The following ST8SIA2 variants were observed in gnomAD, a reference collection of about 807,000 sequenced individuals.
ST8SIA2 encodes alpha-2,8-sialyltransferase 8B.
ST8SIA2 carries 22 observed loss-of-function variants against 37.6 expected under a neutral mutation model. That is an observed-to-expected ratio of 0.58 (90% CI 0.42 to 0.83). ST8SIA2 has a LOEUF of 0.83. Ranked by LOEUF, ST8SIA2 falls within the 40% of genes least tolerant of loss-of-function variation. The pLI is 0.00. For synonymous variants in ST8SIA2, 205 were observed against 201.2 expected, an observed-to-expected ratio of 1.02 and a Z score of -0.16; for missense variants, 382 against 484.7, an observed-to-expected ratio of 0.79 and a Z score of 1.99.
intron 2 of ST8SIA2, among the ~76,000 whole-genome samples, chr15:92,432,044 G>A (rs919877691): frequency 6.6e-6 from 1 of 152,136 alleles, no homozygotes; most frequent in Non-Finnish European, 1.5e-5. Flanking sequence ...GCATCCACGG[G>A]AGAATTCCTC....
intron 1 of ST8SIA2, among the ~76,000 whole-genome samples, chr15:92,394,510 G>C (rs534943716): frequency 1.3e-5 from 2 of 152,310 alleles, no homozygotes; most frequent in African/African-American, 4.8e-5. Context: ...TCGGGCGGGC[G>C]GAGGGGCCGA....
chr15:92,394,279 A>G, intron 1 of ST8SIA2, 117 bp downstream of exon 1: 6 of 943,074 alleles, frequency 6.4e-6, no homozygotes, highest in African/African-American at 5.0e-5. Flanking sequence ...GCTCCGCTGG[A>G]GAGATGGGGA....
At chr15:92,430,172 C>G in intron 2 of ST8SIA2, 61 bp downstream of exon 2, 1 of 1,502,154 alleles carries the variant, frequency 6.7e-7, no homozygotes, top group Non-Finnish European at 9.2e-7. Context: ...TAATCTGCTT[C>G]TCTTCTTTGC....
intron 4 of ST8SIA2, among the ~76,000 whole-genome samples, chr15:92,442,801 G>T (rs977805398): frequency 6.6e-6 from 1 of 152,196 alleles, no homozygotes; most frequent in Non-Finnish European, 1.5e-5. Context: ...TAGGGGCAGG[G>T]ATGGGAAGAC....
intron 1 of ST8SIA2, among the ~76,000 whole-genome samples, chr15:92,396,021 A>G (rs181257796): frequency 6.6e-6 from 1 of 152,312 alleles, no homozygotes; most frequent in Admixed American, 6.5e-5. Context: ...CGCTCCCCAC[A>G]TCAGGTTGTT....
chr15:92,448,571 C>T lies in ST8SIA2; in HGVS notation c.842+3642C>T, dbSNP rs557115226. On this transcript the variant is annotated intron_variant, in intron 5 of 5. Transcript: ENST00000268164. ...CTCCAAAGGGTCCAGACCCCAGCTC[C>T]GTGACTGGCTTGGTTGTATCACCTG... is the stretch of plus-strand genomic sequence containing the variant. Among the ~76,000 whole-genome samples, 7 of 152,334 alleles carry T rather than the reference C, an allele frequency of 4.6e-5. No homozygotes were observed. The South Asian group carries it at 1.2e-3, about 27-fold the overall frequency.
intron 5 of ST8SIA2, 113 bp from the exon 6 acceptor site, chr15:92,463,987 C>T (rs1304368989): frequency 7.0e-7 from 1 of 1,431,832 alleles, no homozygotes; most frequent in Non-Finnish European, 9.3e-7. Flanking sequence ...TTGATCGGTC[C>T]CTGGAGTGGC....
chr15:92,402,501 G>A (rs547033760), intron 1 of ST8SIA2, among the ~76,000 whole-genome samples: 4 of 152,232 alleles, frequency 2.6e-5, no homozygotes, highest in South Asian at 2.1e-4. Context: ...TCCAAAAAAC[G>A]ATGTCTTAAA....
chr15:92,439,877 A>G (rs564347516), intron 4 of ST8SIA2, among the ~76,000 whole-genome samples: 1 of 147,274 alleles, frequency 6.8e-6, no homozygotes, highest in African/African-American at 2.5e-5. Flanking sequence ...GTTAAAGGTG[A>G]GTGTGTGGGG....
intron 1 of ST8SIA2, among the ~76,000 whole-genome samples, chr15:92,413,839 G>A (rs1422253070): frequency 2.0e-5 from 3 of 152,226 alleles, no homozygotes; most frequent in Non-Finnish European, 4.4e-5. Context: ...ATTGATGGCA[G>A]GAGTGTGGGG....
intron 4 of ST8SIA2, among the ~76,000 whole-genome samples, chr15:92,439,940 T>G (rs1183819327): frequency 6.7e-6 from 1 of 150,268 alleles, no homozygotes; most frequent in African/African-American, 2.5e-5. Context: ...CCCAGCAGTA[T>G]CCGGGGGAGG....
chr15:92,455,880 A>G (rs1044889695), intron 5 of ST8SIA2, among the ~76,000 whole-genome samples: 9 of 152,280 alleles, frequency 5.9e-5, no homozygotes, highest in Admixed American at 5.2e-4. Context: ...ACCTACAATT[A>G]TGGAAAATAC....
chr15:92,404,298 G>C (rs977734676), intron 1 of ST8SIA2, among the ~76,000 whole-genome samples: 9 of 152,166 alleles, frequency 5.9e-5, no homozygotes, highest in African/African-American at 9.7e-5. Context: ...CTTATTACCT[G>C]TGTGAGTTCA....
chr15:92,457,510 G>T (rs1029445965), intron 5 of ST8SIA2, among the ~76,000 whole-genome samples: 1 of 152,100 alleles, frequency 6.6e-6, no homozygotes, highest in Non-Finnish European at 1.5e-5. Context: ...CTCAAGACTG[G>T]GATATTAAAG....
At position 92,438,478 on chromosome 15, in the gene ST8SIA2, T is replaced by C; in HGVS notation, c.416T>C (p.Leu139Pro). 1 of 1,614,206 alleles carries C rather than the reference T, an allele frequency of 6.2e-7. No individual in the cohort carries two copies. Among genetic ancestry groups the C allele is most frequent in the East Asian group, 2.2e-5 (1 of 44,878 alleles). Residue 139 changes from leucine to proline, a missense_variant, in exon 4 of 6, where the codon CTC becomes CCC. Coordinates refer to ENST00000268164, the MANE Select transcript of ST8SIA2 (RefSeq NM_006011.4). ...AGCACCATGAATGTGTCCCAGAACC[T>C]CTACGAGCTCCTCCCCAGGACTTCG... ...RDSTMNVSQN[L>P]YELLPRTSPL...
At chr15:92,443,193 C>T (rs2049815641) in intron 4 of ST8SIA2, among the ~76,000 whole-genome samples, 1 of 152,166 alleles carries the variant, frequency 6.6e-6, no homozygotes, top group Non-Finnish European at 1.5e-5. Flanking sequence ...CTTCATGTCT[C>T]CAGCCTCTAT....
rs548243580 is a variant in ST8SIA2 at position 92,416,069 on chromosome 15, C to A, written c.99-13980C>A. ...GAGAGGCATGTGGCACACTGCATTT[C>A]GGAAAGCTGTGTCTGTGTAGGGAGG... On this transcript the variant is annotated intron_variant, in intron 1 of 5. Coordinates refer to ENST00000268164, the MANE Select transcript of ST8SIA2 (RefSeq NM_006011.4). Among the ~76,000 whole-genome samples the A allele has an allele frequency of 1.1e-3, 162 of 152,196 alleles. 1 individual carries two copies. The highest frequency in any genetic ancestry group is 3.6e-3 in the African/African-American group (150 of 41,536).
intron 5 of ST8SIA2, among the ~76,000 whole-genome samples, chr15:92,449,111 C>A (rs2049863689): frequency 6.6e-6 from 1 of 152,142 alleles, no homozygotes; most frequent in Non-Finnish European, 1.5e-5. Context: ...AACGATCCCA[C>A]CACCCAGGCA....
Position 92,411,981 on chromosome 15 carries a change from G to A in ST8SIA2, c.98+17819G>A, listed in dbSNP as rs1403781779. Among the ~76,000 whole-genome samples the A allele has an allele frequency of 3.3e-5, 5 of 152,340 alleles. No homozygotes were observed. In the East Asian group the frequency reaches 7.7e-4, roughly 24 times the overall value. On this transcript the variant is annotated intron_variant, in intron 1 of 5. Coordinates refer to ENST00000268164, the MANE Select transcript of ST8SIA2 (RefSeq NM_006011.4). ...AGTACGAGGCAACCAAGAGGAAGAAGCAAGGCAAGACAGGCAGGTGCTCCC... is the reference window on the plus strand; with the variant it reads ...AGTACGAGGCAACCAAGAGGAAGAAACAAGGCAAGACAGGCAGGTGCTCCC...
Sources: allele counts gnomAD v4.1 joint callset (sites outside exome capture counted in the v4.1 genomes callset), GRCh38; gene constraint gnomAD v4.1.1; transcripts MANE v1.5; gene names NCBI Gene and HGNC (gene_info 2026-07-23, HGNC 2026-07-21).